The following ODR4 variants were observed in gnomAD, a reference collection of about 807,000 sequenced individuals.
ODR4 encodes odr-4 GPCR localization factor homolog.
In ODR4, 47 loss-of-function variants were observed where a neutral mutation model predicts 60.2. That is an observed-to-expected ratio of 0.78 (90% CI 0.62 to 1.00). The LOEUF (loss-of-function observed/expected upper bound fraction) is 1.00, where lower values mean the gene tolerates loss of function less well. Among genes scored for constraint, ODR4 ranks in the 50% least tolerant of loss-of-function variants. The pLI is 0.00. For missense variants in ODR4, 488 were observed against 530.8 expected (o/e 0.92, Z 0.79); for synonymous variants, 178 against 175.5 (o/e 1.01, Z -0.11).
downstream of ODR4, among the ~76,000 whole-genome samples, chr1:186,423,529 A>G (rs1661834146): frequency 7.5e-6 from 1 of 132,498 alleles, no homozygotes; most frequent in South Asian, 2.4e-4. Context: ...ATCTCGGCTC[A>G]CTGCGGTCTC....
At chr1:186,408,564 T>C (rs539767510) in intron 12 of ODR4, among the ~76,000 whole-genome samples, 2 of 149,896 alleles carry the variant, frequency 1.3e-5, no homozygotes, top group African/African-American at 4.9e-5. Flanking sequence ...ACATGTAATA[T>C]AAACAATTTG....
intron 12 of ODR4, among the ~76,000 whole-genome samples, chr1:186,408,687 TA>T (rs1439478419): frequency 6.6e-6 from 1 of 150,560 alleles, no homozygotes; most frequent in African/African-American, 2.4e-5. Context: ...TGTTTTCTTA[TA>T]AAAATATAAA....
In ODR4 at chr1:186,393,952, ATCT is replaced by A. The variant is rs556420947; in HGVS notation, c.721_723del (p.Ser241del). On this transcript the variant is annotated inframe_deletion, in exon 9 of 14. Coordinates refer to ENST00000287859, the MANE Select transcript of ODR4 (RefSeq NM_017847.6). Reference sequence around the variant, plus strand: ...TAACTTTTGTGTTTTTTCAGAAAAAATCTTCTAGAGGAAATACTCAAGCAACTA... The same window carrying A: ...TAACTTTTGTGTTTTTTCAGAAAAAATCTAGAGGAAATACTCAAGCAACTA... The A allele has an allele frequency of 3.4e-3, 5,129 of 1,513,700 alleles. 15 individuals carry two copies. The highest frequency in any genetic ancestry group is 3.7e-3 in the Non-Finnish European group (4,103 of 1,116,126). The allele number at this position is 1,513,700 out of a possible 1,614,324, so 93.8% of individuals were successfully genotyped here. A position where few individuals can be genotyped will look rare whatever the true frequency, so the allele number is the denominator to read the frequency against.
At chr1:186,383,273 CTG>C in intron 3 of ODR4, 117 bp downstream of exon 3, 1 of 1,173,284 alleles carries the variant, frequency 8.5e-7, no homozygotes, top group Non-Finnish European at 1.2e-6. Flanking sequence ...CTAAAGATGA[CTG>C]AGATTTTTAG....
chr1:186,401,539 TTCTC>T (rs778088403), intron 11 of ODR4: 35 of 177,530 alleles, frequency 2.0e-4, no homozygotes, highest in African/African-American at 3.6e-4. Flanking sequence ...CTTCCTCTCT[TTCTC>T]TTTCTTTCTC....
At chr1:186,425,151 C>A (rs1661862297), downstream of ODR4, among the ~76,000 whole-genome samples, 1 of 152,024 alleles carries the variant, frequency 6.6e-6, no homozygotes, top group Non-Finnish European at 1.5e-5. Context: ...CTCAATATGA[C>A]ATCAAGTTCA....
chr1:186,376,902 G>T (rs1659795294), intron 1 of ODR4, among the ~76,000 whole-genome samples: 2 of 152,200 alleles, frequency 1.3e-5, no homozygotes, highest in South Asian at 4.1e-4. Context: ...AGCCCAGAAA[G>T]GTTGAGTTGT....
chr1:186,391,664 C>T, intron 7 of ODR4, 32 bp from the exon 8 acceptor site: 1 of 1,368,272 alleles, frequency 7.3e-7, no homozygotes, highest in East Asian at 2.3e-5. Context: ...GGCATTGTAT[C>T]TGAAAGATTT....
chr1:186,387,889 A>G (rs893214915), intron 4 of ODR4, among the ~76,000 whole-genome samples: 10 of 152,080 alleles, frequency 6.6e-5, no homozygotes, highest in Non-Finnish European at 1.3e-4. Context: ...TTAACTTTCA[A>G]TTTGTTATTA....
At position 186,406,097 on chromosome 1, in the gene ODR4, TTCCACG is replaced by T; in HGVS notation, c.1019_1024del (p.His340_Val341del). Reference sequence around the variant, plus strand: ...TTTCCTTTTAGATTCTGAAAAAGAGTTCCACGTCCTCCCTTATCGAGTCTTTGTTCC... The same window carrying T: ...TTTCCTTTTAGATTCTGAAAAAGAGTTCCTCCCTTATCGAGTCTTTGTTCC... On this transcript the variant is annotated inframe_deletion, in exon 12 of 14. Coordinates refer to ENST00000287859, the MANE Select transcript of ODR4 (RefSeq NM_017847.6). The T allele has an allele frequency of 6.4e-7, 1 of 1,564,454 alleles. No homozygotes were observed. The highest frequency in any genetic ancestry group is 8.6e-7 in the Non-Finnish European group (1 of 1,157,278).
chr1:186,394,502 T>C (rs1660596892), intron 9 of ODR4, among the ~76,000 whole-genome samples: 1 of 152,190 alleles, frequency 6.6e-6, no homozygotes, highest in South Asian at 2.1e-4. Flanking sequence ...TTTCGAAAAT[T>C]TAAAAGTTGG....
intron 11 of ODR4, chr1:186,401,531 TCC>T (rs1366562717): frequency 1.1e-5 from 2 of 182,204 alleles, no homozygotes. Flanking sequence ...CTTCCTTCCT[TCC>T]TCTCTTTCTC....
chr1:186,406,571 ATTTC>A (rs1177155130), intron 12 of ODR4, among the ~76,000 whole-genome samples: 1 of 152,168 alleles, frequency 6.6e-6, no homozygotes, highest in East Asian at 1.9e-4. Context: ...GCTTTAAGGT[ATTTC>A]TTTCAATATA....
intron 11 of ODR4, among the ~76,000 whole-genome samples, chr1:186,404,103 A>G (rs1661085890): frequency 6.6e-6 from 1 of 152,256 alleles, no homozygotes; most frequent in South Asian, 2.1e-4. Flanking sequence ...TTTAACCAAT[A>G]GAAACCCAAT....
rs1303828680 is a variant in ODR4, at chr1:186,375,975, G to T, written c.-20+1G>T. 4.9e-6 allele frequency: 1 copy of T among 205,372 alleles called. No homozygotes were observed. The highest frequency in any genetic ancestry group is 1.1e-5 in the Non-Finnish European group (1 of 94,990). 12.7% of individuals were successfully genotyped at this position (205,372 alleles called of 1,614,324 possible). The stretch of plus-strand genomic sequence containing the variant: ...CCACGAGTGCACATTCTGAAAACAG[G>T]TAAGTCAGCCTAAGTGTAGTGTGTG... On this transcript the variant is annotated splice_donor_variant, in intron 1 of 13. Coordinates refer to ENST00000287859, the MANE Select transcript of ODR4 (RefSeq NM_017847.6). LOFTEE classifies it low-confidence loss of function (5UTR_SPLICE).
chr1:186,418,446 G>A (rs888395884), intron 13 of ODR4, among the ~76,000 whole-genome samples: 4 of 151,732 alleles, frequency 2.6e-5, no homozygotes, highest in South Asian at 2.1e-4. Context: ...GCCCGCCACC[G>A]CGCCCGGCTA....
intron 9 of ODR4, 24 bp from the exon 10 acceptor site, chr1:186,398,289 A>G: frequency 6.4e-7 from 1 of 1,556,972 alleles, no homozygotes; most frequent in Non-Finnish European, 8.7e-7. Flanking sequence ...GGTTATTAGA[A>G]CTTAAACAGA....
chr1:186,390,718 C>G lies in ODR4; in HGVS notation c.482C>G (p.Ala161Gly). ...TCCCTTCTCCACTGCTAGAGTTCAG[C>G]AAGACCAGCAGATTGGAAGTATCAA... ...TYDIHDPKSSARPADWKYQSG... is the reference protein window; with the variant it reads ...TYDIHDPKSSGRPADWKYQSG... The change falls in exon 7 of 14, where the codon GCA becomes GGA. Residue 161 changes from alanine to glycine, a missense_variant. Physicochemically the swap from Ala to Gly is moderately conservative, Grantham distance 60. Coordinates refer to ENST00000287859, the MANE Select transcript of ODR4 (RefSeq NM_017847.6). 1 of 1,613,392 alleles carries G rather than the reference C, an allele frequency of 6.2e-7. No individual in the cohort carries two copies. Among genetic ancestry groups the G allele is most frequent in the Non-Finnish European group, 8.5e-7 (1 of 1,179,564 alleles).
Position 186,418,731 on chromosome 1 carries a change from GTGTT to G in ODR4, c.1298-273_1298-270del, listed in dbSNP as rs543306180. Among the ~76,000 whole-genome samples the G allele has an allele frequency of 1.3e-4, 20 of 152,264 alleles. No homozygotes were observed. In the South Asian group the frequency reaches 3.7e-3, roughly 28 times the overall value. On this transcript the variant is annotated intron_variant, in intron 13 of 13. Coordinates refer to ENST00000287859, the MANE Select transcript of ODR4 (RefSeq NM_017847.6). ...TAAATATTTATATAAGCCCTTTAAA[GTGTT>G]TGTTATTTTTTCTCTTAGATACGTC...
Sources: allele counts gnomAD v4.1 joint callset (sites outside exome capture counted in the v4.1 genomes callset), GRCh38; gene constraint gnomAD v4.1.1; transcripts MANE v1.5; gene names NCBI Gene and HGNC (gene_info 2026-07-23, HGNC 2026-07-21).